Variants in FMN1 observed in about 807,000 individuals in gnomAD.
The protein encoded by FMN1 is formin 1, also known as formin-1.
Under a neutral mutation model 132.4 loss-of-function variants are expected in FMN1, and 110 were observed. That is an observed-to-expected ratio of 0.83 (90% CI 0.71 to 0.97). The LOEUF is 0.97. Ranked by LOEUF, FMN1 falls within the 50% of genes least tolerant of loss-of-function variation. The pLI is 0.00. For missense variants in FMN1, 1,792 were observed against 1,705.3 expected, an observed-to-expected ratio of 1.05 and a Z score of -0.90; for synonymous variants, 722 against 651.7, an observed-to-expected ratio of 1.11 and a Z score of -1.64.
At chr15:32,818,904 T>A (rs2058129759) in intron 17 of FMN1, among the ~76,000 whole-genome samples, 1 of 144,714 alleles carries the variant, frequency 6.9e-6, no homozygotes, top group African/African-American at 2.6e-5. Context: ...ATTGTACAAG[T>A]GGCACGAAGC....
intron 4 of FMN1, among the ~76,000 whole-genome samples, chr15:33,099,451 T>C (rs1161510211): frequency 6.6e-6 from 1 of 152,220 alleles, no homozygotes; most frequent in East Asian, 1.9e-4. Flanking sequence ...ATGCTCACCA[T>C]GCTCAATTAG....
At chr15:32,978,043 G>A (rs1223099352) in intron 7 of FMN1, among the ~76,000 whole-genome samples, 1 of 152,006 alleles carries the variant, frequency 6.6e-6, no homozygotes, top group East Asian at 1.9e-4. Context: ...TCTTAGTAGA[G>A]ACAGGGTTTC....
At chr15:32,861,789 C>T (rs549860500) in intron 16 of FMN1, among the ~76,000 whole-genome samples, 5 of 152,274 alleles carry the variant, frequency 3.3e-5, no homozygotes, top group South Asian at 2.1e-4. Flanking sequence ...GAAGTTCCAC[C>T]ACCCATTGTG....
At chr15:33,001,049 G>A (rs573620155) in intron 7 of FMN1, among the ~76,000 whole-genome samples, 6 of 152,270 alleles carry the variant, frequency 3.9e-5, no homozygotes, top group Middle Eastern at 3.4e-3. Flanking sequence ...TTGGGAGGCC[G>A]AGACGGGTGG....
chr15:32,781,447 A>G (rs887175400), intron 19 of FMN1, among the ~76,000 whole-genome samples: 6 of 152,216 alleles, frequency 3.9e-5, no homozygotes, highest in African/African-American at 1.2e-4. Context: ...GCACTGGACA[A>G]TAAATTAATT....
intron 15 of FMN1, among the ~76,000 whole-genome samples, chr15:32,888,704 T>C (rs1433172186): frequency 2.6e-5 from 4 of 152,186 alleles, no homozygotes; most frequent in African/African-American, 9.7e-5. Context: ...CCAATGGGTG[T>C]GAATCAGAAG....
At chr15:33,128,567 G>A (rs1259658609) in intron 4 of FMN1, among the ~76,000 whole-genome samples, 1 of 152,228 alleles carries the variant, frequency 6.6e-6, no homozygotes, top group Non-Finnish European at 1.5e-5. Context: ...GGAGTTTCTT[G>A]CTTCCGATGC....
At chr15:33,079,513 C>T (rs905645912) in intron 5 of FMN1, among the ~76,000 whole-genome samples, 17 of 152,284 alleles carry the variant, frequency 1.1e-4, no homozygotes, top group East Asian at 1.9e-4. Flanking sequence ...ATCCCAGCTA[C>T]TTGGGAGGCT....
At chr15:32,879,330 C>T (rs1242288692) in intron 16 of FMN1, among the ~76,000 whole-genome samples, 2 of 152,184 alleles carry the variant, frequency 1.3e-5, no homozygotes, top group Non-Finnish European at 2.9e-5. Flanking sequence ...TATCCAGTCT[C>T]GTACCAGAGC....
In FMN1 at chr15:33,174,964, T is replaced by C. The variant is rs371610749; in HGVS notation, c.-132+5234A>G. Reference sequence around the variant, plus strand: ...GGGAATTTGTTACACTGAGAACTTTTAGAAAGAATTTTTCTTATCACATCT... The same window carrying C: ...GGGAATTTGTTACACTGAGAACTTTCAGAAAGAATTTTTCTTATCACATCT... On this transcript the variant is annotated intron_variant, in intron 3 of 20. Transcript: ENST00000616417. Among the ~76,000 whole-genome samples, 3 of 152,346 alleles carry C rather than the reference T, an allele frequency of 2.0e-5. No homozygotes were observed. In the South Asian group the frequency reaches 6.2e-4, roughly 32 times the overall value.
At chr15:32,936,184 T>G (rs2061265536) in intron 9 of FMN1, among the ~76,000 whole-genome samples, 1 of 152,232 alleles carries the variant, frequency 6.6e-6, no homozygotes, top group South Asian at 2.1e-4. Flanking sequence ...TATTTTGAAT[T>G]ATTTGTCAAG....
intron 9 of FMN1, among the ~76,000 whole-genome samples, chr15:32,957,969 G>C (rs890591240): frequency 2.0e-5 from 3 of 152,048 alleles, no homozygotes; most frequent in African/African-American, 7.2e-5. Flanking sequence ...TCACAAATGA[G>C]AATGGCACCT....
intron 16 of FMN1, among the ~76,000 whole-genome samples, chr15:32,880,232 A>G (rs991967280): frequency 5.9e-5 from 9 of 152,108 alleles, no homozygotes; most frequent in African/African-American, 1.9e-4. Context: ...TGATATATGG[A>G]AACTCTGATT....
At chr15:33,116,389 T>G (rs1360920703) in intron 4 of FMN1, among the ~76,000 whole-genome samples, 1 of 152,182 alleles carries the variant, frequency 6.6e-6, no homozygotes, top group Non-Finnish European at 1.5e-5. Flanking sequence ...CAAACCGTGT[T>G]CAAATAAGGC....
Position 33,004,336 on chromosome 15 carries a change from C to T in FMN1, c.2223+3678G>A, listed in dbSNP as rs917295646. On this transcript the variant is annotated intron_variant, in intron 7 of 20. Coordinates refer to ENST00000616417, the MANE Select transcript of FMN1 (RefSeq NM_001277313.2). ...ATCCAGAATCTACAGTGAACTCAAA[C>T]AAATTTACAAGAAAAAAACAACCCC... is the stretch of plus-strand genomic sequence containing the variant. Among the ~76,000 whole-genome samples the T allele has an allele frequency of 7.8e-4, 118 of 152,238 alleles. 1 individual carries two copies. Among genetic ancestry groups the T allele is most frequent in the Admixed American group, 1.7e-3 (26 of 15,288 alleles).
At chr15:32,944,635 T>C (rs995753923) in intron 9 of FMN1, among the ~76,000 whole-genome samples, 1 of 152,108 alleles carries the variant, frequency 6.6e-6, no homozygotes. Context: ...TCACCCTGTC[T>C]TGAGTCTGAG....
At chr15:32,961,465 C>T (rs751345756) in intron 9 of FMN1, among the ~76,000 whole-genome samples, 2 of 152,056 alleles carry the variant, frequency 1.3e-5, no homozygotes, top group Admixed American at 1.3e-4. Flanking sequence ...AGGGAAAATA[C>T]GACAAGGAAG....
At position 32,968,929 on chromosome 15, in the gene FMN1, G is replaced by A. The variant is rs749125513; in HGVS notation, c.2772C>T (p.Pro924=). Residue 924 remains proline, a synonymous_variant, in exon 8 of 21, where the codon CCC becomes CCT. Transcript: ENST00000616417. ...AGTTAGGAAGTGGGGGTGGGGGTGG[G>A]GGTGGTGGAGGTCCAGCACTTGAAG... ...PPPSSAGPPP[P]PPPPPLPNSP... 14 of 655,264 alleles carry A rather than the reference G, an allele frequency of 2.1e-5. No individual in the cohort carries two copies. The highest frequency in any genetic ancestry group is 3.3e-5 in the Non-Finnish European group (13 of 393,200). The allele number at this position is 655,264 out of a possible 1,614,324, so 40.6% of individuals were successfully genotyped here. A position where few individuals can be genotyped will look rare whatever the true frequency, so the allele number is the denominator to read the frequency against.
chr15:32,933,114 C>T (rs1016500358), intron 9 of FMN1, among the ~76,000 whole-genome samples: 1 of 152,092 alleles, frequency 6.6e-6, no homozygotes, highest in Non-Finnish European at 1.5e-5. Flanking sequence ...TAGGTGTTCA[C>T]CCTAAAACCT....
Sources: allele counts gnomAD v4.1 joint callset (sites outside exome capture counted in the v4.1 genomes callset), GRCh38; gene constraint gnomAD v4.1.1; transcripts MANE v1.5; gene names NCBI Gene and HGNC (gene_info 2026-07-23, HGNC 2026-07-21).